Variants in THSD4 observed in about 807,000 individuals in gnomAD.
THSD4 encodes thrombospondin type 1 domain containing 4, also known as thrombospondin type-1 domain-containing protein 4.
Under a neutral mutation model 119.0 loss-of-function variants are expected in THSD4, and 69 were observed. That is an observed-to-expected ratio of 0.58 (90% CI 0.48 to 0.71). The LOEUF is 0.71. THSD4 is among the 30% of genes least tolerant of loss of function. The pLI, the probability that THSD4 is intolerant of heterozygous loss-of-function variation, is 0.00. For missense variants in THSD4, 1,393 were observed against 1,391.1 expected, an observed-to-expected ratio of 1.00 and a Z score of -0.02; for synonymous variants, 524 against 540.4, an observed-to-expected ratio of 0.97 and a Z score of 0.42.
intron 7 of THSD4, among the ~76,000 whole-genome samples, chr15:71,565,694 A>G (rs1008941025): frequency 1.3e-5 from 2 of 152,106 alleles, no homozygotes; most frequent in African/African-American, 4.8e-5. Context: ...TTTAATTGCA[A>G]ACAAACACTG....
intron 6 of THSD4, among the ~76,000 whole-genome samples, chr15:71,380,350 G>T (rs1469025960): frequency 6.6e-6 from 1 of 151,968 alleles, no homozygotes; most frequent in Non-Finnish European, 1.5e-5. Flanking sequence ...ACTCTTATTT[G>T]GTCACAGTAT....
chr15:71,707,478 A>G (rs192037843), intron 8 of THSD4, among the ~76,000 whole-genome samples: 156 of 152,358 alleles, frequency 1.0e-3, no homozygotes, highest in African/African-American at 3.6e-3. Flanking sequence ...GAACAAGAAC[A>G]TTATTAATTT....
At chr15:71,390,400 T>A (rs200589409) in intron 6 of THSD4, among the ~76,000 whole-genome samples, 2 of 152,338 alleles carry the variant, frequency 1.3e-5, no homozygotes, top group East Asian at 3.9e-4. Context: ...ATTTCCTTCC[T>A]TTACCCTTTT....
intron 6 of THSD4, among the ~76,000 whole-genome samples, chr15:71,312,255 G>T (rs1248482342): frequency 6.6e-6 from 1 of 152,132 alleles, no homozygotes; most frequent in Non-Finnish European, 1.5e-5. Context: ...TGGAAACCGG[G>T]AGGCAGAGGT....
chr15:71,379,450 CTTTTTTTTTTTTT>C (rs34326932), intron 6 of THSD4, among the ~76,000 whole-genome samples: 8 of 77,562 alleles, frequency 1.0e-4, no homozygotes, highest in African/African-American at 1.9e-4. Context: ...CAAATGGCTT[CTTTTTTTTTTTTT>C]TTTTTTTTTT....
At chr15:71,502,672 T>C (rs2048129101) in intron 7 of THSD4, among the ~76,000 whole-genome samples, 1 of 152,170 alleles carries the variant, frequency 6.6e-6, no homozygotes, top group South Asian at 2.1e-4. Flanking sequence ...AAAAATAACA[T>C]ATCAGATCAT....
At chr15:71,265,877 G>A (rs2044460015) in intron 6 of THSD4, among the ~76,000 whole-genome samples, 1 of 152,200 alleles carries the variant, frequency 6.6e-6, no homozygotes. Context: ...CGCAGCTCGG[G>A]AAAGTCACTG....
intron 7 of THSD4, among the ~76,000 whole-genome samples, chr15:71,611,105 G>A (rs1595785874): frequency 6.6e-6 from 1 of 152,198 alleles, no homozygotes. Flanking sequence ...AAAAATCACT[G>A]GACTTACAGC....
intron 6 of THSD4, among the ~76,000 whole-genome samples, chr15:71,283,814 A>C (rs2044683883): frequency 1.3e-5 from 2 of 152,190 alleles, no homozygotes; most frequent in South Asian, 4.1e-4. Flanking sequence ...GGTATCGTTG[A>C]CAGTGGGCTG....
chr15:71,552,286 T>C (rs1473987519), intron 7 of THSD4, among the ~76,000 whole-genome samples: 1 of 152,236 alleles, frequency 6.6e-6, no homozygotes, highest in Admixed American at 6.5e-5. Context: ...TTTTATGACG[T>C]GTCATTTAGG....
intron 6 of THSD4, among the ~76,000 whole-genome samples, chr15:71,322,863 T>A (rs567982639): frequency 4.1e-4 from 62 of 152,106 alleles, no homozygotes; most frequent in African/African-American, 1.4e-3. Flanking sequence ...CTAAAAGGCT[T>A]AGGTGGGGGG....
chr15:71,718,056 G>A (rs185649760), intron 8 of THSD4, among the ~76,000 whole-genome samples: 334 of 151,828 alleles, frequency 2.2e-3, no homozygotes, highest in African/African-American at 7.5e-3. Context: ...GGCTAAGGTA[G>A]GAGAATTGCT....
chr15:71,427,687 T>C (rs1014465356), intron 7 of THSD4, among the ~76,000 whole-genome samples: 7 of 150,834 alleles, frequency 4.6e-5, no homozygotes, highest in African/African-American at 1.5e-4. Context: ...GTTAATCTGG[T>C]CTACTTCTGG....
In THSD4 at chr15:71,745,235, T is replaced by A; in HGVS notation, c.2036T>A (p.Phe679Tyr). 1 of 1,613,872 alleles carries A rather than the reference T, an allele frequency of 6.2e-7. No homozygotes were observed. Among genetic ancestry groups the A allele is most frequent in the Non-Finnish European group, 8.5e-7 (1 of 1,179,894 alleles). Reference protein sequence around the residue: ...EPCNIFPCPAFWDIGEWSECS... With the variant: ...EPCNIFPCPAYWDIGEWSECS... ...TGCAACATCTTCCCTTGCCCAGCCT[T>A]GTAAGAAGGCCCCTCCATTTAGGTC... The change falls in exon 12 of 18, where the codon TTC becomes TAC. Residue 679 changes from phenylalanine (F) to tyrosine (Y), a missense_variant and splice_region_variant. By Grantham distance (22) the Phe-to-Tyr change is conservative. Coordinates refer to ENST00000261862, the MANE Select transcript of THSD4 (RefSeq NM_024817.3).
rs1317654320 is a variant in THSD4, at chr15:71,536,516, A to C, written c.1153-124014A>C. Among the ~76,000 whole-genome samples the C allele has an allele frequency of 2.6e-5, 4 of 152,144 alleles. No homozygotes were observed. In the East Asian group the frequency reaches 7.7e-4, roughly 29 times the overall value. The stretch of plus-strand genomic sequence containing the variant: ...TGCTATGTAATGTAACATATTCACA[A>C]ATTTCAGGGATTAGGACGTGGACAT... On this transcript the variant is annotated intron_variant, in intron 7 of 17. Transcript: ENST00000261862.
At chr15:71,756,708 GT>G (rs766579296) in intron 14 of THSD4, among the ~76,000 whole-genome samples, 1 of 152,198 alleles carries the variant, frequency 6.6e-6, no homozygotes, top group Non-Finnish European at 1.5e-5. Context: ...ACCCCAAGAG[GT>G]TGAAGCTGCA....
intron 6 of THSD4, among the ~76,000 whole-genome samples, chr15:71,400,820 A>G (rs2046520430): frequency 6.6e-6 from 1 of 151,612 alleles, no homozygotes; most frequent in South Asian, 2.1e-4. Flanking sequence ...GATATCGTAT[A>G]TTCCACAAAA....
chr15:71,263,466 G>A (rs1225780587), intron 6 of THSD4, among the ~76,000 whole-genome samples: 1 of 151,928 alleles, frequency 6.6e-6, no homozygotes, highest in Non-Finnish European at 1.5e-5. Context: ...GCATGCATGT[G>A]TCTTTATAAT....
intron 6 of THSD4, among the ~76,000 whole-genome samples, chr15:71,281,246 G>A (rs1047912998): frequency 3.3e-5 from 5 of 152,326 alleles, no homozygotes; most frequent in African/African-American, 9.6e-5. Flanking sequence ...ATTGTTCTGC[G>A]CATTCATGCA....
Sources: gnomAD v4.1 joint callset for allele counts (sites outside exome capture counted in the v4.1 genomes callset) on GRCh38, gnomAD v4.1.1 for gene constraint, MANE v1.5 for transcripts, NCBI Gene and HGNC (gene_info 2026-07-23, HGNC 2026-07-21) for gene names.